The following CRISPLD2 variants were observed in gnomAD, a reference collection of about 807,000 sequenced individuals.
CRISPLD2 encodes cysteine rich secretory protein LCCL domain containing 2, also known as cysteine-rich secretory protein LCCL domain-containing 2.
CRISPLD2 carries 47 observed loss-of-function variants against 71.1 expected under a neutral mutation model. The ratio of observed to expected loss-of-function variants is 0.66; its 90% CI spans 0.52 to 0.84. The LOEUF is 0.84. CRISPLD2 is among the 40% of genes least tolerant of loss of function. CRISPLD2 has a pLI of 0.00. For synonymous variants in CRISPLD2, 317 were observed against 250.1 expected (o/e 1.27, Z -2.52); for missense variants, 830 against 651.1 (o/e 1.27, Z -2.99).
chr16:84,833,654 C>A (rs182853609), intron 1 of CRISPLD2, among the ~76,000 whole-genome samples: 1 of 152,268 alleles, frequency 6.6e-6, no homozygotes, highest in East Asian at 1.9e-4. Flanking sequence ...CATCCATCTG[C>A]CAGAGGTCAG....
At chr16:84,841,026 G>C (rs1474539020) in intron 2 of CRISPLD2, among the ~76,000 whole-genome samples, 1 of 152,186 alleles carries the variant, frequency 6.6e-6, no homozygotes, top group Non-Finnish European at 1.5e-5. Flanking sequence ...CGGCACCTCC[G>C]GACTAGTGTA....
rs1238498114 is a variant in CRISPLD2, at chr16:84,904,631, T to A, written c.1440-1957T>A. Among the ~76,000 whole-genome samples, 4 of 149,964 alleles carry A rather than the reference T, an allele frequency of 2.7e-5. No homozygotes were observed. The East Asian group carries it at 7.9e-4, about 30-fold the overall frequency. On this transcript the variant is annotated intron_variant, in intron 14 of 14. Transcript: ENST00000262424. ...TTAAAAAAAAAATTAAAAAAAAAAA[T>A]GATTGGAAGTCCATAAAATAAATCA... is the stretch of plus-strand genomic sequence containing the variant.
intron 14 of CRISPLD2, among the ~76,000 whole-genome samples, chr16:84,897,410 G>A (rs2071715843): frequency 6.6e-6 from 1 of 152,094 alleles, no homozygotes; most frequent in African/African-American, 2.4e-5. Context: ...AGTGGAGATT[G>A]CACCACTGCA....
intron 1 of CRISPLD2, among the ~76,000 whole-genome samples, chr16:84,822,893 T>C (rs939753925): frequency 4.6e-5 from 7 of 152,294 alleles, no homozygotes; most frequent in Middle Eastern, 3.4e-3. Flanking sequence ...AAATTTACCA[T>C]TTAACCCATT....
chr16:84,869,128 C>G (rs1036289968), intron 8 of CRISPLD2, among the ~76,000 whole-genome samples: 1 of 152,232 alleles, frequency 6.6e-6, no homozygotes, highest in Non-Finnish European at 1.5e-5. Flanking sequence ...AGGATCTGAG[C>G]AGGCTGCTCC....
chr16:84,825,317 C>T (rs1258597405), intron 1 of CRISPLD2, among the ~76,000 whole-genome samples: 2 of 152,136 alleles, frequency 1.3e-5, no homozygotes, highest in Non-Finnish European at 2.9e-5. Flanking sequence ...AACCTTAACA[C>T]TTTGGGAGGT....
intron 1 of CRISPLD2, among the ~76,000 whole-genome samples, chr16:84,825,108 A>G (rs564701002): frequency 1.1e-3 from 163 of 152,248 alleles, no homozygotes; most frequent in African/African-American, 3.7e-3. Flanking sequence ...TGCCATTTCA[A>G]AACAAAAACA....
chr16:84,829,822 T>C (rs1038496272), intron 1 of CRISPLD2, among the ~76,000 whole-genome samples: 57 of 152,338 alleles, frequency 3.7e-4, no homozygotes, highest in African/African-American at 1.2e-3. Flanking sequence ...AGTGGCCTCA[T>C]CAGTTTGTGG....
chr16:84,897,152 G>A (rs1345998403), intron 14 of CRISPLD2, among the ~76,000 whole-genome samples: 1 of 152,188 alleles, frequency 6.6e-6, no homozygotes, highest in African/African-American at 2.4e-5. Context: ...GCCTTTAAAG[G>A]GCCTTTCTAG....
chr16:84,904,866 C>G (rs2071787655), intron 14 of CRISPLD2, among the ~76,000 whole-genome samples: 1 of 152,174 alleles, frequency 6.6e-6, no homozygotes, highest in Non-Finnish European at 1.5e-5. Context: ...TCTGAGAAAA[C>G]AAGTATAAAT....
At chr16:84,837,330 T>C (rs1252053713) in intron 1 of CRISPLD2, among the ~76,000 whole-genome samples, 1 of 151,936 alleles carries the variant, frequency 6.6e-6, no homozygotes, top group Non-Finnish European at 1.5e-5. Flanking sequence ...TGGGTCTTTG[T>C]AATCATCATT....
Position 84,838,441 on chromosome 16 carries a change from G to A in CRISPLD2, c.-55G>A. The A allele has an allele frequency of 2.5e-6, 4 of 1,583,166 alleles. No individual in the cohort carries two copies. Among genetic ancestry groups the A allele is most frequent in the Non-Finnish European group, 3.4e-6 (4 of 1,163,314 alleles). ...TTTCAGAGCTCAAGCGCCCAGCTCT[G>A]CCCGAGGAGCCCAGGCTGCCCCGTG... On this transcript the variant is annotated 5_prime_UTR_variant, in exon 2 of 15. Coordinates refer to ENST00000262424, the MANE Select transcript of CRISPLD2 (RefSeq NM_031476.4).
intron 14 of CRISPLD2, among the ~76,000 whole-genome samples, chr16:84,897,597 C>T (rs555174503): frequency 2.6e-5 from 4 of 152,128 alleles, no homozygotes; most frequent in East Asian, 1.9e-4. Context: ...CATATAAACA[C>T]GCCTTTTTTT....
At chr16:84,859,302 C>T (rs906392413) in intron 6 of CRISPLD2, among the ~76,000 whole-genome samples, 3 of 152,200 alleles carry the variant, frequency 2.0e-5, no homozygotes, top group Non-Finnish European at 4.4e-5. Context: ...ATTACCTGAC[C>T]TCCATAAGCC....
chr16:84,843,264 C>G (rs540863681), intron 2 of CRISPLD2, among the ~76,000 whole-genome samples: 5 of 152,204 alleles, frequency 3.3e-5, no homozygotes, highest in Non-Finnish European at 7.3e-5. Context: ...CCGGCACCCT[C>G]AGCACTGCGC....
chr16:84,840,591 CTGG>C (rs1916743110), intron 2 of CRISPLD2, among the ~76,000 whole-genome samples: 1 of 152,216 alleles, frequency 6.6e-6, no homozygotes, highest in Admixed American at 6.5e-5. Context: ...ACTGCAACCT[CTGG>C]CTCCTGGGTT....
chr16:84,833,261 G>A (rs1006639690), intron 1 of CRISPLD2, among the ~76,000 whole-genome samples: 2 of 152,130 alleles, frequency 1.3e-5, no homozygotes, highest in African/African-American at 4.8e-5. Context: ...GGACCTGAAA[G>A]CTCTGTCCGT....
Position 84,867,402 on chromosome 16 carries a change from G to A in CRISPLD2, c.853+362G>A, listed in dbSNP as rs1002369253. Among the ~76,000 whole-genome samples the A allele has an allele frequency of 7.2e-5, 11 of 152,276 alleles. No homozygotes were observed. The South Asian group carries it at 1.9e-3, about 26-fold the overall frequency. ...GCAGCGTCCAGCCTGGCTCTGGAAGGTTCCACTCCTTTCTCACCAGGTCCT... is the reference window on the plus strand; with the variant it reads ...GCAGCGTCCAGCCTGGCTCTGGAAGATTCCACTCCTTTCTCACCAGGTCCT... On this transcript the variant is annotated intron_variant, in intron 7 of 14. Transcript: ENST00000262424.
At chr16:84,844,594 C>G (rs1164195098) in intron 2 of CRISPLD2, among the ~76,000 whole-genome samples, 1 of 151,958 alleles carries the variant, frequency 6.6e-6, no homozygotes, top group African/African-American at 2.4e-5. Flanking sequence ...AACTCCTGAC[C>G]TCAAGTGATC....
Sources: allele counts gnomAD v4.1 joint callset (sites outside exome capture counted in the v4.1 genomes callset), GRCh38; gene constraint gnomAD v4.1.1; transcripts MANE v1.5; gene names NCBI Gene and HGNC (gene_info 2026-07-23, HGNC 2026-07-21).